TCF20: variants seen among roughly 807,000 people sequenced by gnomAD.
The protein encoded by TCF20 is SPRE-binding protein.
A neutral mutation model predicts 148.6 loss-of-function variants in TCF20; 3 were observed. That is an observed-to-expected ratio of 0.02 (90% CI 0.01 to 0.05). The LOEUF is 0.05. Among genes scored for constraint, TCF20 ranks in the 10% least tolerant of loss-of-function variants. The pLI, the probability that TCF20 is intolerant of heterozygous loss-of-function variation, is 1.00. For synonymous variants in TCF20, 1,049 were observed against 909.5 expected (o/e 1.15, Z -2.76); for missense variants, 2,350 against 2,429.3 (o/e 0.97, Z 0.69).
At chr22:42,196,959 C>A (rs186467498) in intron 2 of TCF20, among the ~76,000 whole-genome samples, 1 of 152,372 alleles carries the variant, frequency 6.6e-6, no homozygotes, top group African/African-American at 2.4e-5. Context: ...GGCACGTTAA[C>A]TGACAGCAGT....
upstream of TCF20, among the ~76,000 whole-genome samples, chr22:42,286,718 T>C (rs954031121): frequency 7.9e-5 from 12 of 152,258 alleles, 1 homozygote; most frequent in African/African-American, 2.9e-4. Flanking sequence ...CAAATAAGCT[T>C]GCCAAGCCTC....
chr22:42,322,655 T>G lies in TCF20; in HGVS notation c.-37+20824A>C, dbSNP rs543816949. On this transcript the variant is annotated intron_variant, in intron 1 of 1. Coordinates refer to the TCF20 transcript ENST00000515426. ...CTGAGTGACCAAATGAGTGAGTGAG[T>G]GAGCAAGCGCCTGAGTGAGTGAGCA... is the stretch of plus-strand genomic sequence containing the variant. Among the ~76,000 whole-genome samples the G allele has an allele frequency of 2.6e-4, 39 of 151,770 alleles. 1 individual carries two copies. In the South Asian group the frequency reaches 7.3e-3, roughly 28 times the overall value.
In TCF20 at chr22:42,299,186, T is replaced by G. The variant is rs943814963; in HGVS notation, c.-37+44293A>C. On this transcript the variant is annotated intron_variant, in intron 1 of 1. Coordinates refer to the TCF20 transcript ENST00000515426. The surrounding 1 kb of genome is among the most constrained non-coding windows in gnomAD (Gnocchi z 4.1). ...CTGGCCTTTAGAAGGCACGGGAGGA[T>G]GGGGGCAAGGGGGCGGTAGGCAGAC... Among the ~76,000 whole-genome samples, 21 of 151,976 alleles carry G rather than the reference T, an allele frequency of 1.4e-4. No homozygotes were observed. The highest frequency in any genetic ancestry group is 3.1e-4 in the Non-Finnish European group (21 of 67,994).
intron 1 of TCF20, among the ~76,000 whole-genome samples, chr22:42,302,310 G>C (rs776833724): frequency 3.9e-5 from 6 of 152,178 alleles, no homozygotes; most frequent in Non-Finnish European, 7.3e-5. Context: ...CAAAAGAGAC[G>C]GTCTCTGTGG....
At chr22:42,189,099 G>C (rs1937199274) in intron 2 of TCF20, among the ~76,000 whole-genome samples, 1 of 152,192 alleles carries the variant, frequency 6.6e-6, no homozygotes, top group Admixed American at 6.5e-5. Flanking sequence ...GAGAGGGTGG[G>C]AAGCTGATAT....
intron 4 of TCF20, 132 bp from the exon 5 acceptor site, chr22:42,168,868 C>T: frequency 8.1e-7 from 1 of 1,238,972 alleles, no homozygotes; most frequent in Middle Eastern, 2.0e-4. Flanking sequence ...GACCGACAAA[C>T]AGGAGACATT....
intron 1 of TCF20, among the ~76,000 whole-genome samples, chr22:42,294,647 T>C (rs1927198310): frequency 6.6e-6 from 1 of 152,212 alleles, no homozygotes; most frequent in Non-Finnish European, 1.5e-5. Flanking sequence ...GAGGCCAGGC[T>C]AGGCTCCTGG....
At chr22:42,200,024 C>T (rs1400494791) in intron 2 of TCF20, among the ~76,000 whole-genome samples, 1 of 151,868 alleles carries the variant, frequency 6.6e-6, no homozygotes, top group Non-Finnish European at 1.5e-5. Context: ...CACTTTCTTT[C>T]AATTTGGATT....
chr22:42,160,053 T>G lies in TCF20; in HGVS notation c.*1350A>C, dbSNP rs1293554543. The G allele has an allele frequency of 6.6e-6, 1 of 152,402 alleles. No homozygotes were observed. Among genetic ancestry groups the G allele is most frequent in the Admixed American group, 6.6e-5 (1 of 15,262 alleles). 9.4% of individuals were successfully genotyped at this position (152,402 alleles called of 1,614,324 possible). ...GTTTATTATTTTTTTGATTTTTTGA[T>G]TTTTTTTGTTTTTTGTTTTTTTAAA... is the stretch of plus-strand genomic sequence containing the variant. On this transcript the variant is annotated 3_prime_UTR_variant, in exon 6 of 6. Transcript: ENST00000677622.
chr22:42,183,837 C>T (rs1010440584), intron 2 of TCF20, among the ~76,000 whole-genome samples: 1 of 150,270 alleles, frequency 6.7e-6, no homozygotes. Context: ...GGCATGATCT[C>T]GGCTCACCGC....
At chr22:42,163,418 C>T (rs987170446) in intron 5 of TCF20, among the ~76,000 whole-genome samples, 1 of 152,202 alleles carries the variant, frequency 6.6e-6, no homozygotes, top group African/African-American at 2.4e-5. Flanking sequence ...TGTAATGGGA[C>T]CCTAACTTTT....
At chr22:42,310,874 C>T (rs1405340156) in intron 1 of TCF20, among the ~76,000 whole-genome samples, 2 of 152,250 alleles carry the variant, frequency 1.3e-5, no homozygotes, top group Non-Finnish European at 2.9e-5. Flanking sequence ...TGCCCGCCCT[C>T]TTTTCTCCCC....
chr22:42,164,503 G>T (rs1247725013), intron 5 of TCF20, among the ~76,000 whole-genome samples: 1 of 151,846 alleles, frequency 6.6e-6, no homozygotes. Context: ...GATTATAGGC[G>T]TTAGCCACTG....
chr22:42,295,747 T>C (rs566126251), intron 1 of TCF20, among the ~76,000 whole-genome samples: 1 of 152,300 alleles, frequency 6.6e-6, no homozygotes, highest in African/African-American at 2.4e-5. Context: ...GCCTACTCCC[T>C]TATGTTTTCA....
rs59483576 is a variant in TCF20, at chr22:42,290,640, G to A, written c.-37+52839C>T. On this transcript the variant is annotated intron_variant, in intron 1 of 1. Coordinates refer to the TCF20 transcript ENST00000515426. The surrounding 1 kb of genome is among the most constrained non-coding windows in gnomAD (Gnocchi z 4.2). ...TGGAGGGTACCAGAGGAGAAGGAGC[G>A]CGTGCCCCTGAGCCCACTCGCTGTG... Among the ~76,000 whole-genome samples the A allele has an allele frequency of 0.044, 6,738 of 152,218 alleles. 458 individuals carry two copies. Among genetic ancestry groups the A allele is most frequent in the African/African-American group, 0.15 (6,109 of 41,504 alleles).
chr22:42,323,932 GTGGTGGTGGTGA>G (rs1927796431), intron 1 of TCF20, among the ~76,000 whole-genome samples: 3 of 124,822 alleles, frequency 2.4e-5, no homozygotes, highest in African/African-American at 8.9e-5. Flanking sequence ...GGTTATGGTG[GTGGTGGTGGTGA>G]TGGAGGTTAT....
intron 1 of TCF20, among the ~76,000 whole-genome samples, chr22:42,327,927 C>T (rs565368477): frequency 5.2e-4 from 79 of 152,044 alleles, no homozygotes; most frequent in Non-Finnish European, 2.5e-4. Context: ...TTTCTCTTAG[C>T]CTTGCACACT....
intron 1 of TCF20, among the ~76,000 whole-genome samples, chr22:42,255,737 ATC>A (rs2034933735): frequency 6.6e-6 from 1 of 152,110 alleles, no homozygotes; most frequent in Non-Finnish European, 1.5e-5. Context: ...TCAATTCATC[ATC>A]TGTTTCCGGC....
Position 42,279,741 on chromosome 22 carries a change from A to G in TCF20, c.-37+4086T>C, listed in dbSNP as rs1926859602. On this transcript the variant is annotated intron_variant, in intron 1 of 5. Coordinates refer to the TCF20 transcript ENST00000359486. The surrounding 1 kb of genome is among the most constrained non-coding windows in gnomAD (Gnocchi z 4.3). ...TGTGGTGCCTACAGTCACCCAGCAG[A>G]CACAGCGGAGCAAGGAGGAAGCCAC... 6.6e-6 allele frequency among the ~76,000 whole-genome samples: 1 copy of G among 152,208 alleles called. No individual in the cohort carries two copies. Among genetic ancestry groups the G allele is most frequent in the Non-Finnish European group, 1.5e-5 (1 of 68,034 alleles).
Sources: gnomAD v4.1 joint callset for allele counts (sites outside exome capture counted in the v4.1 genomes callset) on GRCh38, gnomAD v4.1.1 for gene constraint, Gnocchi (gnomAD v3.1) non-coding constraint, MANE v1.5 for transcripts, NCBI Gene and HGNC (gene_info 2026-07-23, HGNC 2026-07-21) for gene names.